The following C10orf67 variants were observed in gnomAD, a reference collection of about 807,000 sequenced individuals.
C10orf67 encodes the protein chromosome 10 open reading frame 67, also known as uncharacterized protein C10orf67, mitochondrial.
In C10orf67, 60 loss-of-function variants were observed where a neutral mutation model predicts 35.6. The ratio of observed to expected loss-of-function variants is 1.68; its 90% CI spans 1.37 to 2.09. The LOEUF (loss-of-function observed/expected upper bound fraction) is 2.09, where lower values mean the gene tolerates loss of function less well. Ranked by LOEUF, C10orf67 falls within the 30% of genes most tolerant of loss-of-function variation. C10orf67 has a pLI of 0.00. For synonymous variants in C10orf67, 167 were observed against 115.8 expected (o/e 1.44, Z -2.84); for missense variants, 474 against 330.2 (o/e 1.44, Z -3.38).
intron 10 of C10orf67, among the ~76,000 whole-genome samples, chr10:23,265,225 C>T (rs1056831739): frequency 6.6e-6 from 1 of 152,232 alleles, no homozygotes; most frequent in Non-Finnish European, 1.5e-5. Context: ...TACTTGCTCC[C>T]TCCCGCTCTG....
At chr10:23,295,504 A>G (rs1351889196) in intron 5 of C10orf67, among the ~76,000 whole-genome samples, 2 of 152,242 alleles carry the variant, frequency 1.3e-5, no homozygotes, top group African/African-American at 2.4e-5. Context: ...TCCTTATAAT[A>G]CCTGAATTGA....
chr10:23,309,075 C>G (rs897165295), intron 4 of C10orf67, among the ~76,000 whole-genome samples: 3 of 152,126 alleles, frequency 2.0e-5, no homozygotes, highest in African/African-American at 7.2e-5. Context: ...AAAAAAGATA[C>G]CTGCGCTTAT....
rs774781698 is a variant in C10orf67 at position 23,322,412 on chromosome 10, A to G, written c.453T>C (p.Ile151=). ...CATTTACCTGTTGATAATGCTTTTC[A>G]ATTTCTAGGATCCTGTCATGCAGAA... ...FTILHDRILE[I]EKHYQQNEDK... Residue 151 remains isoleucine (I), a synonymous_variant, in exon 3 of 16, where the codon ATT becomes ATC. Transcript: ENST00000636213. 10 of 1,609,516 alleles carry G rather than the reference A, an allele frequency of 6.2e-6. No homozygotes were observed. Among genetic ancestry groups the G allele is most frequent in the South Asian group, 1.1e-5 (1 of 90,762 alleles).
intron 5 of C10orf67, among the ~76,000 whole-genome samples, chr10:23,297,271 C>CCTTTCCTTTCCTT (rs1843914964): frequency 6.1e-5 from 9 of 148,426 alleles, no homozygotes; most frequent in East Asian, 2.0e-4. Context: ...CCTTTCCTTT[C>CCTTTCCTTTCCTT]TGATGACCCC....
chr10:23,282,378 G>C (rs1357139630), intron 7 of C10orf67, among the ~76,000 whole-genome samples: 2 of 152,090 alleles, frequency 1.3e-5, no homozygotes, highest in Non-Finnish European at 1.5e-5. Context: ...TTTACTTAAG[G>C]CTTTATGTGA....
At chr10:23,235,217 G>T (rs1186012375) in intron 13 of C10orf67, among the ~76,000 whole-genome samples, 1 of 151,890 alleles carries the variant, frequency 6.6e-6, no homozygotes, top group East Asian at 1.9e-4. Context: ...CGGAACTGGT[G>T]AAATTCAATG....
rs1180823094 is a variant in C10orf67 at position 23,267,271 on chromosome 10, C to T, written c.976-17G>A. 1 of 700,830 alleles carries T rather than the reference C, an allele frequency of 1.4e-6. No individual in the cohort carries two copies. The highest frequency in any genetic ancestry group is 2.2e-5 in the Admixed American group (1 of 45,778). The allele number at this position is 700,830 out of a possible 1,614,324, so 43.4% of individuals were successfully genotyped here. A position where few individuals can be genotyped will look rare whatever the true frequency, so the allele number is the denominator to read the frequency against. On this transcript the variant is annotated splice_polypyrimidine_tract_variant and intron_variant, in intron 8 of 15. Coordinates refer to ENST00000636213, the MANE Select transcript of C10orf67 (RefSeq NM_001371909.1). The stretch of plus-strand genomic sequence containing the variant: ...TTTATTAATCTGTAAAATTGAAGAC[C>T]CATATCATTGGTTATTATCTGCAAA...
At chr10:23,251,414 GA>G (rs1263314400) in intron 10 of C10orf67, among the ~76,000 whole-genome samples, 1 of 152,188 alleles carries the variant, frequency 6.6e-6, no homozygotes, top group East Asian at 1.9e-4. Flanking sequence ...CAGTTCTCAA[GA>G]AAGGATCTAC....
In C10orf67 at chr10:23,344,671, C is replaced by T; in HGVS notation, c.104G>A (p.Trp35Ter). The change falls in exon 1 of 16, where the codon TGG becomes TAG. Residue 35 changes from tryptophan (W) to a stop codon, truncating the protein, a stop_gained. Coordinates refer to ENST00000636213, the MANE Select transcript of C10orf67 (RefSeq NM_001371909.1). LOFTEE classifies it high-confidence loss of function. ...SSLRGTFGTR[W>*]EAMKAKATEL... The stretch of plus-strand genomic sequence containing the variant: ...GGTGGCCTTGGCTTTCATGGCCTCC[C>T]AGCGTGTGCCAAAGGTCCCCCTCAA... 1.9e-6 allele frequency: 3 copies of T among 1,579,388 alleles called. No individual in the cohort carries two copies. The highest frequency in any genetic ancestry group is 2.6e-6 in the Non-Finnish European group (3 of 1,163,022).
intron 8 of C10orf67, among the ~76,000 whole-genome samples, chr10:23,281,644 G>C (rs1045313894): frequency 6.6e-6 from 1 of 152,076 alleles, no homozygotes; most frequent in Non-Finnish European, 1.5e-5. Flanking sequence ...ATATCTAGCT[G>C]GGCTCTTTTT....
Position 23,223,618 on chromosome 10 carries a change from G to T in C10orf67, c.1550C>A (p.Ala517Asp). 1 of 717,446 alleles carries T rather than the reference G, an allele frequency of 1.4e-6. No individual in the cohort carries two copies. Among genetic ancestry groups the T allele is most frequent in the South Asian group, 1.5e-5 (1 of 67,576 alleles). 44.4% of individuals were successfully genotyped at this position (717,446 alleles called of 1,614,324 possible). ...KHVDVVSDQA[A>D]LQLSPKGKLS... ...CTTACCTTTTGGTGAAAGTTGAAGG[G>T]CTGCCTGATCACTGACTACATCCAC... Residue 517 changes from alanine to aspartate, a missense_variant, in exon 15 of 16, where the codon GCC (alanine) becomes GAC (aspartate). Transcript: ENST00000636213.
At chr10:23,210,190 G>C (rs1479304673) in intron 15 of C10orf67, among the ~76,000 whole-genome samples, 1 of 152,022 alleles carries the variant, frequency 6.6e-6, no homozygotes, top group Non-Finnish European at 1.5e-5. Context: ...CAGAGAAGGA[G>C]AGCAAGCAGG....
At chr10:23,335,983 G>T (rs1472776372) in intron 1 of C10orf67, among the ~76,000 whole-genome samples, 3 of 152,036 alleles carry the variant, frequency 2.0e-5, no homozygotes, top group African/African-American at 7.3e-5. Context: ...CCTTCTCAGG[G>T]TGAAGGAATC....
chr10:23,316,912 C>T (rs1844735790), intron 4 of C10orf67: 2 of 152,232 alleles, frequency 1.3e-5, no homozygotes, highest in East Asian at 1.9e-4. Context: ...CATAGGTGGG[C>T]CTGAAAAAAG....
At chr10:23,336,714 A>G (rs926540092) in intron 1 of C10orf67, among the ~76,000 whole-genome samples, 1 of 152,020 alleles carries the variant, frequency 6.6e-6, no homozygotes, top group African/African-American at 2.4e-5. Context: ...AAGTCTCCCC[A>G]TGTTGGCCAG....
At chr10:23,328,861 T>C (rs1845299979) in intron 2 of C10orf67, among the ~76,000 whole-genome samples, 1 of 151,394 alleles carries the variant, frequency 6.6e-6, no homozygotes. Flanking sequence ...GGCATGTGCC[T>C]GTAGTTCCAG....
chr10:23,271,821 T>C (rs1458866947), intron 8 of C10orf67, among the ~76,000 whole-genome samples: 1 of 152,228 alleles, frequency 6.6e-6, no homozygotes, highest in African/African-American at 2.4e-5. Context: ...TATATGCAAA[T>C]CCTTTGTTAA....
At chr10:23,262,404 G>A (rs1419210072) in intron 10 of C10orf67, among the ~76,000 whole-genome samples, 1 of 152,098 alleles carries the variant, frequency 6.6e-6, no homozygotes, top group Non-Finnish European at 1.5e-5. Flanking sequence ...GCTCCTGAAT[G>A]TCAGGGATGA....
rs1841938767 is a variant in C10orf67, at chr10:23,232,508, A to G, written c.1434+7221T>C. On this transcript the variant is annotated intron_variant, in intron 13 of 15. Coordinates refer to ENST00000636213, the MANE Select transcript of C10orf67 (RefSeq NM_001371909.1). Reference sequence around the variant, plus strand: ...TCCCTGGCATTTAGTTTGCCACGGTATACATAAAAACACACTATTCACACA... The same window carrying G: ...TCCCTGGCATTTAGTTTGCCACGGTGTACATAAAAACACACTATTCACACA... Among the ~76,000 whole-genome samples, 6 of 152,342 alleles carry G rather than the reference A, an allele frequency of 3.9e-5. No homozygotes were observed. The South Asian group carries it at 1.2e-3, about 32-fold the overall frequency.
Sources: allele counts gnomAD v4.1 joint callset (sites outside exome capture counted in the v4.1 genomes callset), GRCh38; gene constraint gnomAD v4.1.1; transcripts MANE v1.5; gene names NCBI Gene and HGNC (gene_info 2026-07-23, HGNC 2026-07-21).